NXPH1: variants seen among roughly 807,000 people sequenced by gnomAD.
The protein encoded by NXPH1 is neurexophilin-1.
NXPH1 carries 5 observed loss-of-function variants against 23.7 expected under a neutral mutation model. The ratio of observed to expected loss-of-function variants is 0.21; its 90% confidence interval spans 0.11 to 0.44. The LOEUF (loss-of-function observed/expected upper bound fraction) is 0.44, where lower values mean the gene tolerates loss of function less well. NXPH1 is among the 20% of genes least tolerant of loss of function. The probability of loss-of-function intolerance (pLI) is 0.99; values close to 1 mark genes in which losing one functional copy is unlikely to be tolerated. For missense variants in NXPH1, 324 were observed against 321.6 expected (o/e 1.01, Z -0.06); for synonymous variants, 144 against 122.2 (o/e 1.18, Z -1.18).
At position 8,435,298 on chromosome 7, in the gene NXPH1, A is replaced by C; in HGVS notation, c.-110-306A>C. 3.8e-6 allele frequency: 1 copy of C among 262,204 alleles called. No individual in the cohort carries two copies. The highest frequency in any genetic ancestry group is 7.4e-6 in the Non-Finnish European group (1 of 135,642). 16.2% of individuals were successfully genotyped at this position (262,204 alleles called of 1,614,324 possible). ...CAAGGGCAGGTCTCGCTGCCGGAGA[A>C]GCCTGGGCTCCGAACCAGCCTGCAC... is the stretch of plus-strand genomic sequence containing the variant. On this transcript the variant is annotated intron_variant, in intron 1 of 2. Transcript: ENST00000405863. This position sits in a 1 kb window ranked among gnomAD's most constrained non-coding sequence, Gnocchi z 5.9.
chr7:8,651,325 T>A (rs1242525982), intron 2 of NXPH1, among the ~76,000 whole-genome samples: 1 of 72,016 alleles, frequency 1.4e-5, no homozygotes, highest in Non-Finnish European at 3.1e-5. Context: ...GGCTGCATAG[T>A]ATTCCATGGT....
chr7:8,489,984 A>G (rs187948653), intron 2 of NXPH1, among the ~76,000 whole-genome samples: 199 of 152,122 alleles, frequency 1.3e-3, no homozygotes, highest in East Asian at 2.3e-3. Context: ...GGTCCCTCCA[A>G]CACTCAAGTT....
intron 2 of NXPH1, among the ~76,000 whole-genome samples, chr7:8,734,676 G>A (rs910917740): frequency 6.6e-6 from 1 of 152,138 alleles, no homozygotes; most frequent in Non-Finnish European, 1.5e-5. Context: ...CTGTTGATTT[G>A]GGGTGGAGAG....
chr7:8,458,260 G>C (rs1816634204), intron 2 of NXPH1, among the ~76,000 whole-genome samples: 1 of 152,180 alleles, frequency 6.6e-6, no homozygotes. Context: ...GTAGGAAGAA[G>C]ACCAGATGAG....
At chr7:8,593,171 A>ATTTTTTTTT (rs61424859) in intron 2 of NXPH1, among the ~76,000 whole-genome samples, 2 of 141,666 alleles carry the variant, frequency 1.4e-5, no homozygotes, top group Non-Finnish European at 3.1e-5. Context: ...AGTAAGAAGC[A>ATTTTTTTTT]TTTTTTTTTT....
intron 2 of NXPH1, among the ~76,000 whole-genome samples, chr7:8,517,977 A>C (rs1331569077): frequency 6.6e-6 from 1 of 152,144 alleles, no homozygotes; most frequent in Non-Finnish European, 1.5e-5. Context: ...CCACTGCAAT[A>C]TTCATCAAAC....
intron 2 of NXPH1, among the ~76,000 whole-genome samples, chr7:8,515,582 C>T (rs990320354): frequency 1.0e-5 from 1 of 98,606 alleles, no homozygotes; most frequent in Non-Finnish European, 2.1e-5. Flanking sequence ...GTATATATTG[C>T]ACCAAAAGTA....
intron 2 of NXPH1, among the ~76,000 whole-genome samples, chr7:8,557,080 A>G (rs1818369872): frequency 6.6e-6 from 1 of 151,702 alleles, no homozygotes; most frequent in Non-Finnish European, 1.5e-5. Context: ...ATAGAATGAG[A>G]CATTGTAATG....
intron 2 of NXPH1, among the ~76,000 whole-genome samples, chr7:8,725,108 G>T (rs1032514525): frequency 1.3e-4 from 20 of 152,294 alleles, no homozygotes; most frequent in African/African-American, 4.6e-4. Flanking sequence ...CTTTTTAAAA[G>T]AATTCTCAAG....
intron 2 of NXPH1, among the ~76,000 whole-genome samples, chr7:8,615,758 CCAGTGGAG>C (rs1819720007): frequency 6.6e-6 from 1 of 151,898 alleles, no homozygotes; most frequent in African/African-American, 2.4e-5. Context: ...AGGTAACACA[CCAGTGGAG>C]AAGACAGATG....
intron 2 of NXPH1, among the ~76,000 whole-genome samples, chr7:8,745,240 G>A (rs1371872247): frequency 6.6e-6 from 1 of 152,054 alleles, no homozygotes; most frequent in Non-Finnish European, 1.5e-5. Flanking sequence ...TAATTATGGT[G>A]TACAGTATAA....
chr7:8,478,317 T>C (rs570219117), intron 2 of NXPH1, among the ~76,000 whole-genome samples: 73 of 152,156 alleles, frequency 4.8e-4, no homozygotes, highest in Admixed American at 1.2e-3. Context: ...AATGGCTCAA[T>C]ATATGGATTA....
At chr7:8,609,471 C>G (rs1439230916) in intron 2 of NXPH1, among the ~76,000 whole-genome samples, 1 of 152,096 alleles carries the variant, frequency 6.6e-6, no homozygotes, top group Non-Finnish European at 1.5e-5. Context: ...TGGTATTATG[C>G]AAATGGATCT....
intron 2 of NXPH1, among the ~76,000 whole-genome samples, chr7:8,687,935 C>T (rs1295765646): frequency 2.6e-5 from 4 of 151,922 alleles, no homozygotes; most frequent in Admixed American, 6.6e-5. Context: ...TTTTTTTCCA[C>T]GTGGTACAAA....
intron 2 of NXPH1, among the ~76,000 whole-genome samples, chr7:8,486,272 T>C (rs1817158417): frequency 6.6e-6 from 1 of 151,952 alleles, no homozygotes; most frequent in Admixed American, 6.6e-5. Context: ...CCTAGAGGAG[T>C]AGAGCAGAAT....
chr7:8,500,308 C>T (rs538180610), intron 2 of NXPH1, among the ~76,000 whole-genome samples: 52 of 149,626 alleles, frequency 3.5e-4, no homozygotes, highest in African/African-American at 1.2e-3. Flanking sequence ...CAGATAATTT[C>T]TTTATGTTTG....
intron 2 of NXPH1, among the ~76,000 whole-genome samples, chr7:8,537,111 G>A (rs1462869368): frequency 6.6e-6 from 1 of 151,938 alleles, no homozygotes; most frequent in Non-Finnish European, 1.5e-5. Flanking sequence ...AGCATAGCAT[G>A]CTTTTGTATT....
At chr7:8,695,303 G>A (rs1239791100) in intron 2 of NXPH1, among the ~76,000 whole-genome samples, 1 of 152,134 alleles carries the variant, frequency 6.6e-6, no homozygotes, top group Non-Finnish European at 1.5e-5. Flanking sequence ...CACAGGTGGC[G>A]AAACTGAGGT....
intron 2 of NXPH1, among the ~76,000 whole-genome samples, chr7:8,629,984 A>T (rs947036009): frequency 6.6e-6 from 1 of 152,252 alleles, no homozygotes; most frequent in Admixed American, 6.5e-5. Context: ...ATTTGGTTGT[A>T]CTGTGCTAAA....
Sources: gnomAD v4.1 joint callset for allele counts (sites outside exome capture counted in the v4.1 genomes callset) on GRCh38, gnomAD v4.1.1 for gene constraint, Gnocchi (gnomAD v3.1) non-coding constraint, MANE v1.5 for transcripts, NCBI Gene and HGNC (gene_info 2026-07-23, HGNC 2026-07-21) for gene names.